Variants in ADCY2 observed in about 807,000 individuals in gnomAD.
ADCY2 encodes adenylate cyclase 2.
In ADCY2, 31 loss-of-function variants were observed where a neutral mutation model predicts 125.2. The ratio of observed to expected loss-of-function variants is 0.25; its 90% CI spans 0.19 to 0.33. The LOEUF is 0.33. ADCY2 is among the 10% of genes least tolerant of loss of function. ADCY2 has a pLI of 1.00. For synonymous variants in ADCY2, 512 were observed against 548.4 expected (o/e 0.93, Z 0.93); for missense variants, 904 against 1,418.2 (o/e 0.64, Z 5.82).
intron 2 of ADCY2, among the ~76,000 whole-genome samples, chr5:7,433,045 A>C (rs1037601414): frequency 3.9e-5 from 6 of 152,338 alleles, no homozygotes; most frequent in African/African-American, 1.4e-4. Flanking sequence ...TGTCTTCAGC[A>C]GGTGTTGTTC....
intron 4 of ADCY2, among the ~76,000 whole-genome samples, chr5:7,660,980 A>G (rs1477562599): frequency 1.3e-5 from 2 of 152,212 alleles, no homozygotes; most frequent in African/African-American, 4.8e-5. Flanking sequence ...CAAGCAATGT[A>G]GAAACTCAAA....
At chr5:7,759,191 G>A (rs111822073) in intron 16 of ADCY2, among the ~76,000 whole-genome samples, 1 of 152,188 alleles carries the variant, frequency 6.6e-6, no homozygotes, top group Admixed American at 6.5e-5. Context: ...CCTGTGTCAT[G>A]AGTTTGGGGA....
rs1354471630 is a variant in ADCY2 at position 7,802,003 on chromosome 5, C to G, written c.2629-215C>G. 1 of 516,906 alleles carries G rather than the reference C, an allele frequency of 1.9e-6. No homozygotes were observed. Among genetic ancestry groups the G allele is most frequent in the Non-Finnish European group, 3.4e-6 (1 of 295,168 alleles). 32.0% of individuals were successfully genotyped at this position (516,906 alleles called of 1,614,324 possible). ...AGGTTTAACTGGCAAGGCACCTCTT[C>G]TTAACTGGTAGTGGCCTGAATCCAG... On this transcript the variant is annotated intron_variant, in intron 20 of 24. Coordinates refer to ENST00000338316, the MANE Select transcript of ADCY2 (RefSeq NM_020546.3). This position sits in a 1 kb window ranked among gnomAD's most constrained non-coding sequence, Gnocchi z 4.6.
At chr5:7,699,952 G>C (rs1387003874) in intron 7 of ADCY2, among the ~76,000 whole-genome samples, 1 of 152,168 alleles carries the variant, frequency 6.6e-6, no homozygotes, top group African/African-American at 2.4e-5. Context: ...GGAAGGCACG[G>C]TTTTGTTTGT....
chr5:7,761,399 G>A lies in ADCY2; in HGVS notation c.2094+3813G>A, dbSNP rs138810556. ...TCCTTACCGCGTGATCCACTGCCTC[G>A]GCCTCCCAAAGTGCTGGGATTACAG... On this transcript the variant is annotated intron_variant, in intron 16 of 24. Transcript: ENST00000338316. 6.4e-3 allele frequency among the ~76,000 whole-genome samples: 973 copies of A among 152,008 alleles called. 6 individuals are homozygous for A. The highest frequency in any genetic ancestry group is 0.021 in the African/African-American group (854 of 41,484).
intron 14 of ADCY2, among the ~76,000 whole-genome samples, chr5:7,739,614 G>A (rs1250339759): frequency 6.6e-6 from 1 of 151,158 alleles, no homozygotes; most frequent in African/African-American, 2.4e-5. Context: ...AATTAATAAA[G>A]CCAAAATATG....
At chr5:7,654,247 G>A (rs890788208) in intron 4 of ADCY2, 2 of 433,900 alleles carry the variant, frequency 4.6e-6, no homozygotes, top group Non-Finnish European at 9.2e-6. Context: ...GTTTCAGGAA[G>A]GAAGAAGGCA....
chr5:7,567,601 G>A (rs1055404147), intron 3 of ADCY2, among the ~76,000 whole-genome samples: 1 of 152,102 alleles, frequency 6.6e-6, no homozygotes, highest in African/African-American at 2.4e-5. Flanking sequence ...CTGGGTGTGA[G>A]TCTAAGTTAA....
intron 4 of ADCY2, among the ~76,000 whole-genome samples, chr5:7,683,628 T>C (rs1336009975): frequency 6.6e-6 from 1 of 152,154 alleles, no homozygotes; most frequent in African/African-American, 2.4e-5. Flanking sequence ...GCTGCTTACA[T>C]GTCACTGGTC....
intron 4 of ADCY2, among the ~76,000 whole-genome samples, chr5:7,639,385 C>A (rs1488495975): frequency 6.6e-6 from 1 of 152,216 alleles, no homozygotes; most frequent in African/African-American, 2.4e-5. Flanking sequence ...CACTGCACAG[C>A]AGTGAGAAAG....
chr5:7,427,307 T>C (rs183026946), intron 2 of ADCY2, among the ~76,000 whole-genome samples: 1 of 152,322 alleles, frequency 6.6e-6, no homozygotes, highest in African/African-American at 2.4e-5. Flanking sequence ...AAAGGACTGC[T>C]CAGGACTGGG....
intron 2 of ADCY2, among the ~76,000 whole-genome samples, chr5:7,464,445 C>G (rs1427868173): frequency 6.6e-6 from 1 of 152,200 alleles, no homozygotes; most frequent in Non-Finnish European, 1.5e-5. Flanking sequence ...TGACCTACGG[C>G]AATGTCACAT....
rs1178740110 is a variant in ADCY2 at position 7,396,504 on chromosome 5, C to T, written c.208C>T (p.Leu70=). 1 of 1,561,190 alleles carries T rather than the reference C, an allele frequency of 6.4e-7. No homozygotes were observed. Among genetic ancestry groups the T allele is most frequent in the South Asian group, 1.1e-5 (1 of 87,168 alleles). Residue 70 remains leucine, a splice_region_variant and synonymous_variant, in exon 1 of 25, where the codon CTG becomes TTG. Transcript: ENST00000338316. The surrounding 1 kb of genome is among the most constrained non-coding windows in gnomAD (Gnocchi z 5.7). ...GCTCGCCGTCTTCTTCGCGCTCGGGCTGGTGAGTGGCCTCCCCGCGGGTCC... is the reference window on the plus strand; with the variant it reads ...GCTCGCCGTCTTCTTCGCGCTCGGGTTGGTGAGTGGCCTCCCCGCGGGTCC... ...ALLAVFFALG[L]EVEDHVAFLI...
intron 6 of ADCY2, among the ~76,000 whole-genome samples, chr5:7,698,003 G>A (rs1378321399): frequency 6.6e-6 from 1 of 152,080 alleles, no homozygotes; most frequent in Non-Finnish European, 1.5e-5. Context: ...AATCATTCCA[G>A]AACATTCTCC....
At chr5:7,768,575 A>G (rs1743464481) in intron 17 of ADCY2, among the ~76,000 whole-genome samples, 1 of 152,198 alleles carries the variant, frequency 6.6e-6, no homozygotes, top group African/African-American at 2.4e-5. Context: ...TCCTTCCACT[A>G]TGTTTGAGCC....
intron 4 of ADCY2, among the ~76,000 whole-genome samples, chr5:7,666,469 C>A (rs951714958): frequency 3.3e-5 from 5 of 151,944 alleles, no homozygotes; most frequent in African/African-American, 7.3e-5. Context: ...GGGGTTTCAC[C>A]GTGTTAGTCA....
intron 3 of ADCY2, among the ~76,000 whole-genome samples, chr5:7,537,013 T>C (rs188986125): frequency 0.012 from 730 of 62,778 alleles, 19 homozygotes; most frequent in Admixed American, 0.098. Context: ...TTATTTACTG[T>C]CTTTAATTCT....
chr5:7,648,565 C>G (rs530393041), intron 4 of ADCY2, among the ~76,000 whole-genome samples: 1 of 152,186 alleles, frequency 6.6e-6, no homozygotes, highest in African/African-American at 2.4e-5. Flanking sequence ...AAGCCAGGGT[C>G]TCCTAATGAT....
intron 3 of ADCY2, among the ~76,000 whole-genome samples, chr5:7,536,600 A>G (rs1438391497): frequency 6.6e-6 from 1 of 152,184 alleles, no homozygotes; most frequent in African/African-American, 2.4e-5. Flanking sequence ...TAGTTTCCCA[A>G]CATTTTTAGT....
Sources: gnomAD v4.1 joint callset for allele counts (sites outside exome capture counted in the v4.1 genomes callset) on GRCh38, gnomAD v4.1.1 for gene constraint, Gnocchi (gnomAD v3.1) non-coding constraint, MANE v1.5 for transcripts, NCBI Gene and HGNC (gene_info 2026-07-23, HGNC 2026-07-21) for gene names.